CC2D2B: variants seen among roughly 807,000 people sequenced by gnomAD.
The protein encoded by CC2D2B is protein CC2D2B.
A neutral mutation model predicts 161.2 loss-of-function variants in CC2D2B; 128 were observed. The observed-to-expected ratio is 0.79, with a 90% CI of 0.69 to 0.92. CC2D2B has a LOEUF of 0.92. CC2D2B is among the 40% of genes least tolerant of loss of function. CC2D2B has a pLI of 0.00. For synonymous variants in CC2D2B, 391 were observed against 449.8 expected (o/e 0.87, Z 1.65); for missense variants, 1,173 against 1,375.1 (o/e 0.85, Z 2.32).
Position 95,919,702 on chromosome 10 carries a change from C to G in CC2D2B, c.37-2314C>G, listed in dbSNP as rs1298162043. 7 of 152,110 alleles carry G rather than the reference C, an allele frequency of 4.6e-5. No individual in the cohort carries two copies. In the East Asian group the frequency reaches 1.4e-3, roughly 29 times the overall value. The allele number at this position is 152,110 out of a possible 1,614,324, so 9.4% of individuals were successfully genotyped here. Reference sequence around the variant, plus strand: ...TTAGTGAGCAAATGATGAATCCTGCCAGGACTAGGGCTTCCCCTTCAGTGA... The same window carrying G: ...TTAGTGAGCAAATGATGAATCCTGCGAGGACTAGGGCTTCCCCTTCAGTGA... On this transcript the variant is annotated intron_variant, in intron 2 of 34. Transcript: ENST00000646931.
intron 6 of CC2D2B, among the ~76,000 whole-genome samples, chr10:95,934,322 G>T (rs974134308): frequency 1.3e-5 from 2 of 152,138 alleles, no homozygotes; most frequent in Non-Finnish European, 2.9e-5. Context: ...GGGCTCCGTC[G>T]GGGTGGGATC....
chr10:95,924,334 C>A lies in CC2D2B; in HGVS notation c.118C>A (p.Gln40Lys). The change falls in exon 4 of 35, where the codon CAA becomes AAA. Residue 40 changes from glutamine (Q) to lysine (K), a missense_variant. Physicochemically the swap from Gln to Lys is moderately conservative, Grantham distance 53 (BLOSUM62 1). This residue lies in a region of CC2D2B where 298 missense variants were observed against 261.2 expected (regional missense o/e 1.14). Transcript: ENST00000646931. ...LQKDLDAEEN[Q>K]NVAKTLRGKV... is the part of the protein sequence containing the mutation. ...GATAGATTTAGATGCAGAAGAAAATCAAAATGTAGCAAAGACATTGAGAGG... is the reference window on the plus strand; with the variant it reads ...GATAGATTTAGATGCAGAAGAAAATAAAAATGTAGCAAAGACATTGAGAGG... The A allele has an allele frequency of 6.6e-7, 1 of 1,514,072 alleles. No individual in the cohort carries two copies. The highest frequency in any genetic ancestry group is 1.3e-5 in the South Asian group (1 of 77,730). The allele number at this position is 1,514,072 out of a possible 1,614,324, so 93.8% of individuals were successfully genotyped here. A position where few individuals can be genotyped will look rare whatever the true frequency, so the allele number is the denominator to read the frequency against.
At chr10:95,991,593 TATA>T (rs1325169158) in intron 21 of CC2D2B, 132 bp downstream of exon 21, 18 of 336,914 alleles carry the variant, frequency 5.3e-5, no homozygotes, top group Non-Finnish European at 8.5e-5. Flanking sequence ...TAACATGAAA[TATA>T]ATGATTTAAA....
intron 6 of CC2D2B, among the ~76,000 whole-genome samples, chr10:95,929,399 A>G (rs1014339783): frequency 3.9e-5 from 6 of 152,104 alleles, no homozygotes; most frequent in Non-Finnish European, 7.4e-5. Flanking sequence ...CTTTAGTTTA[A>G]TTAGATCCCA....
At chr10:95,972,015 T>G in intron 15 of CC2D2B, 51 bp from the exon 16 acceptor site, 2 of 1,074,632 alleles carry the variant, frequency 1.9e-6, no homozygotes, top group East Asian at 6.5e-5. Context: ...ATTTTTTCCT[T>G]TTTCTGTGTT....
intron 9 of CC2D2B, among the ~76,000 whole-genome samples, chr10:95,945,557 T>C (rs2076166525): frequency 6.6e-6 from 1 of 152,150 alleles, no homozygotes; most frequent in South Asian, 2.1e-4. Context: ...TTTCTAGCAC[T>C]CTTTTTATAT....
In CC2D2B at chr10:96,003,891, T is replaced by C. The variant is rs181220649; in HGVS notation, c.2850-261T>C. Among the ~76,000 whole-genome samples the C allele has an allele frequency of 8.1e-4, 124 of 152,340 alleles. 1 individual carries two copies. Among genetic ancestry groups the C allele is most frequent in the African/African-American group, 2.9e-3 (120 of 41,576 alleles). ...ACAATACTCCAAAGAATCTTTGCAA[T>C]TGATAGCTGTAGTGAAAGCCTTTCT... is the stretch of plus-strand genomic sequence containing the variant. On this transcript the variant is annotated intron_variant, in intron 24 of 34. Coordinates refer to ENST00000646931, the MANE Select transcript of CC2D2B (RefSeq NM_001349008.3).
intron 30 of CC2D2B, chr10:96,018,961 A>G: frequency 6.3e-6 from 2 of 318,202 alleles, no homozygotes; most frequent in Non-Finnish European, 1.2e-5. Flanking sequence ...CGCTGTGCCC[A>G]GCAAATTAAA....
At chr10:95,995,992 T>C in intron 23 of CC2D2B, 151 bp from the exon 24 acceptor site, 1 of 402,782 alleles carries the variant, frequency 2.5e-6, no homozygotes, top group Non-Finnish European at 4.4e-6. Flanking sequence ...ATAGACCCAG[T>C]AGATGTTTAT....
intron 3 of CC2D2B, 23 bp from the exon 4 acceptor site, chr10:95,924,291 T>G (rs2098534114): frequency 7.5e-7 from 1 of 1,329,748 alleles, no homozygotes; most frequent in African/African-American, 1.5e-5. Context: ...CATAAACTCT[T>G]TATTATGTTG....
chr10:95,974,165 C>T lies in CC2D2B; in HGVS notation c.1943+9C>T. 1 of 1,224,308 alleles carries T rather than the reference C, an allele frequency of 8.2e-7. No individual in the cohort carries two copies. Among genetic ancestry groups the T allele is most frequent in the Non-Finnish European group, 1.0e-6 (1 of 980,906 alleles). 75.8% of individuals were successfully genotyped at this position (1,224,308 alleles called of 1,614,324 possible). A position where few individuals can be genotyped will look rare whatever the true frequency, so the allele number is the denominator to read the frequency against. On this transcript the variant is annotated intron_variant, in intron 17 of 34. Coordinates refer to ENST00000646931, the MANE Select transcript of CC2D2B (RefSeq NM_001349008.3). ...AGATCTTCTTACTGCAGGTAATAAACTTTTATCTTTGAAAAATAATGCCAG... is the reference window on the plus strand; with the variant it reads ...AGATCTTCTTACTGCAGGTAATAAATTTTTATCTTTGAAAAATAATGCCAG...
intron 32 of CC2D2B, chr10:96,022,759 C>G (rs533914440): frequency 6.6e-6 from 1 of 152,304 alleles, no homozygotes; most frequent in South Asian, 2.1e-4. Context: ...AACTTGGATT[C>G]TAGAGGAAGA....
intron 34 of CC2D2B, among the ~76,000 whole-genome samples, chr10:96,029,617 G>A (rs2079979472): frequency 1.3e-5 from 2 of 151,718 alleles, no homozygotes; most frequent in South Asian, 4.1e-4. Context: ...AATTACAGTG[G>A]TCCCTTGGTA....
intron 10 of CC2D2B, among the ~76,000 whole-genome samples, chr10:95,954,377 A>G (rs1184295412): frequency 6.6e-6 from 1 of 152,102 alleles, no homozygotes; most frequent in Admixed American, 6.6e-5. Flanking sequence ...TTATTTCCCT[A>G]TTGATTTAAA....
At chr10:95,953,907 C>T (rs1213733204) in intron 10 of CC2D2B, among the ~76,000 whole-genome samples, 1 of 152,180 alleles carries the variant, frequency 6.6e-6, no homozygotes, top group East Asian at 1.9e-4. Context: ...GAGCCTTCTC[C>T]AATCTCTCTC....
intron 9 of CC2D2B, among the ~76,000 whole-genome samples, chr10:95,947,114 T>TATATATATATA (rs1491386108): frequency 5.3e-3 from 126 of 23,796 alleles, no homozygotes; most frequent in Non-Finnish European, 5.9e-3. Flanking sequence ...TATATATATA[T>TATATATATATA]TTTTTTTTTT....
intron 4 of CC2D2B, 50 bp downstream of exon 4, chr10:95,924,440 C>T (rs984664816): frequency 4.0e-6 from 4 of 990,312 alleles, no homozygotes; most frequent in Non-Finnish European, 6.0e-6. Context: ...TTAAATGAGA[C>T]ATTTAACACA....
At chr10:95,912,355 TG>T (rs1356360935) in intron 2 of CC2D2B, among the ~76,000 whole-genome samples, 1 of 152,254 alleles carries the variant, frequency 6.6e-6, no homozygotes, top group Non-Finnish European at 1.5e-5. Context: ...ACTGAATTTT[TG>T]TTGATGATAC....
chr10:95,926,840 G>GTGTGTGTGTGTGTGTGTGTGTGTA (rs1230528463), intron 5 of CC2D2B, among the ~76,000 whole-genome samples: 2 of 108,130 alleles, frequency 1.8e-5, no homozygotes, highest in Admixed American at 1.2e-4. Context: ...GTGTGTGTGT[G>GTGTGTGTGTGTGTGTGTGTGTGTA]TGTGTGTCTG....
Sources: allele counts gnomAD v4.1 joint callset (sites outside exome capture counted in the v4.1 genomes callset), GRCh38; gene constraint gnomAD v4.1.1; regional missense constraint gnomAD v4.1.1; transcripts MANE v1.5; gene names NCBI Gene and HGNC (gene_info 2026-07-23, HGNC 2026-07-21).